The following NT5C3A variants were observed in gnomAD, a reference collection of about 807,000 sequenced individuals.
NT5C3A encodes the protein cytosolic 5'-nucleotidase 3A.
NT5C3A carries 23 observed loss-of-function variants against 40.0 expected under a neutral mutation model. That is an observed-to-expected ratio of 0.58 (90% CI 0.41 to 0.81). NT5C3A has a LOEUF of 0.81. Ranked by LOEUF, NT5C3A falls within the 40% of genes least tolerant of loss-of-function variation. The probability of loss-of-function intolerance (pLI) is 0.00; values close to 1 mark genes in which losing one functional copy is unlikely to be tolerated. For missense variants in NT5C3A, 328 were observed against 403.0 expected (o/e 0.81, Z 1.59); for synonymous variants, 130 against 141.4 (o/e 0.92, Z 0.57).
chr7:33,027,198 T>C (rs1254695977), intron 1 of NT5C3A, among the ~76,000 whole-genome samples: 2 of 152,106 alleles, frequency 1.3e-5, no homozygotes, highest in African/African-American at 4.8e-5. Flanking sequence ...GCCTCCTGAG[T>C]AGGTAGAAGG....
At chr7:33,047,631 T>C (rs924828092) in intron 1 of NT5C3A, among the ~76,000 whole-genome samples, 3 of 152,084 alleles carry the variant, frequency 2.0e-5, no homozygotes, top group Non-Finnish European at 2.9e-5. Flanking sequence ...TTTAAAACAT[T>C]ACAGAATGAC....
At chr7:33,034,652 T>C (rs1786481971) in intron 1 of NT5C3A, among the ~76,000 whole-genome samples, 2 of 152,184 alleles carry the variant, frequency 1.3e-5, no homozygotes, top group Admixed American at 6.5e-5. Flanking sequence ...GAGCAATAAC[T>C]AAACTGACGA....
intron 7 of NT5C3A, 198 bp from the exon 8 acceptor site, chr7:33,016,068 G>A: frequency 5.2e-6 from 3 of 576,196 alleles, no homozygotes; most frequent in Admixed American, 6.0e-5. Context: ...TGATTTTTTA[G>A]ATACTATTTT....
At chr7:33,016,373 C>CAAA (rs551075174) in intron 7 of NT5C3A, among the ~76,000 whole-genome samples, 1 of 109,054 alleles carries the variant, frequency 9.2e-6, no homozygotes, top group Non-Finnish European at 1.9e-5. Context: ...GACTCTGTCT[C>CAAA]AAAAAAAAAA....
chr7:33,017,726 C>T (rs1785415300), intron 6 of NT5C3A, 125 bp from the exon 7 acceptor site: 1 of 793,968 alleles, frequency 1.3e-6, no homozygotes, highest in Admixed American at 1.9e-5. Flanking sequence ...TTTCAATATA[C>T]TGCCCAAGAG....
chr7:33,039,555 G>GTTTTTT (rs776873396), intron 1 of NT5C3A, among the ~76,000 whole-genome samples: 1,806 of 69,942 alleles, frequency 0.026, 210 homozygotes, highest in African/African-American at 0.066. Flanking sequence ...TTAAGCTTGG[G>GTTTTTT]TTTTTTGTTT....
intron 1 of NT5C3A, among the ~76,000 whole-genome samples, chr7:33,061,393 CT>C (rs934911039): frequency 4.0e-5 from 6 of 149,528 alleles, no homozygotes; most frequent in East Asian, 1.9e-4. Context: ...TGGGAATTAA[CT>C]TTTTTTTTTA....
At position 33,014,417 on chromosome 7, in the gene NT5C3A, G is replaced by A. The variant is rs755043201; in HGVS notation, c.*313C>T. On this transcript the variant is annotated 3_prime_UTR_variant, in exon 9 of 9. Transcript: ENST00000610140. ...TAAAATTTCTACAAACTTTCCCAGT[G>A]TAAAAGACTCCTCAAAAGCTGCATG... 4 of 469,932 alleles carry A rather than the reference G, an allele frequency of 8.5e-6. No homozygotes were observed. Among genetic ancestry groups the A allele is most frequent in the South Asian group, 1.6e-5 (1 of 64,190 alleles). 29.1% of individuals were successfully genotyped at this position (469,932 alleles called of 1,614,324 possible).
chr7:33,017,462 T>G lies in NT5C3A; in HGVS notation c.670A>C (p.Asn224His), dbSNP rs2127993476. The change falls in exon 7 of 9, where the codon AAT (asparagine) becomes CAT (histidine). Residue 224 changes from asparagine to histidine, a missense_variant. Asn to His is a moderately conservative substitution (Grantham distance 68). Transcript: ENST00000610140. ...ACAGTTTCATCAAAATCCATAAAAT[T>G]GGACACAACTTTGACATTGGGATGA... ...VYHPNVKVVS[N>H]FMDFDETGVL... 3 of 1,612,524 alleles carry G rather than the reference T, an allele frequency of 1.9e-6. No individual in the cohort carries two copies. Among genetic ancestry groups the G allele is most frequent in the Non-Finnish European group, 2.5e-6 (3 of 1,178,680 alleles).
intron 1 of NT5C3A, among the ~76,000 whole-genome samples, chr7:33,037,765 ATGAG>A (rs1391534209): frequency 6.6e-6 from 1 of 152,192 alleles, no homozygotes; most frequent in Admixed American, 6.5e-5. Context: ...TATCTGCAGT[ATGAG>A]TGTGTGTATA....
chr7:33,060,902 C>T (rs2128022417), intron 1 of NT5C3A, among the ~76,000 whole-genome samples: 1 of 152,288 alleles, frequency 6.6e-6, no homozygotes, highest in East Asian at 1.9e-4. Flanking sequence ...TGAAAAGCTA[C>T]TAGCAGGCTA....
intron 5 of NT5C3A, among the ~76,000 whole-genome samples, chr7:33,020,309 G>A (rs571803250): frequency 2.0e-5 from 3 of 151,718 alleles, no homozygotes; most frequent in South Asian, 4.2e-4. Context: ...AGAAAAAAAA[G>A]CCTAACTCTT....
chr7:33,051,155 TTTA>T (rs1399561172), intron 1 of NT5C3A, among the ~76,000 whole-genome samples: 1 of 152,060 alleles, frequency 6.6e-6, no homozygotes, highest in Admixed American at 6.5e-5. Flanking sequence ...TATTTTTATT[TTTA>T]TTTTTTATTT....
At chr7:33,051,413 C>T (rs528518954) in intron 1 of NT5C3A, among the ~76,000 whole-genome samples, 7 of 152,148 alleles carry the variant, frequency 4.6e-5, no homozygotes, top group Non-Finnish European at 1.0e-4. Context: ...CCGCCCGCCT[C>T]GGCCTCCCAA....
intron 1 of NT5C3A, among the ~76,000 whole-genome samples, chr7:33,031,197 G>A (rs1424085264): frequency 6.6e-6 from 1 of 151,636 alleles, no homozygotes; most frequent in African/African-American, 2.4e-5. Flanking sequence ...TAATATTCCA[G>A]ACTAGGGATA....
intron 6 of NT5C3A, among the ~76,000 whole-genome samples, chr7:33,019,033 C>T (rs1178686628): frequency 1.3e-5 from 2 of 151,854 alleles, no homozygotes; most frequent in Non-Finnish European, 2.9e-5. Flanking sequence ...ACTTTGGGAT[C>T]GCTTGAGCTC....
intron 1 of NT5C3A, among the ~76,000 whole-genome samples, chr7:33,061,761 C>T (rs528281606): frequency 6.6e-6 from 1 of 152,256 alleles, no homozygotes; most frequent in South Asian, 2.1e-4. Flanking sequence ...CAGGATTATG[C>T]ATTTCAGGAA....
chr7:33,057,304 T>C (rs1787609491), intron 1 of NT5C3A, among the ~76,000 whole-genome samples: 1 of 152,114 alleles, frequency 6.6e-6, no homozygotes, highest in African/African-American at 2.4e-5. Flanking sequence ...GGTGGATCTC[T>C]TGAGCCCAGC....
intron 1 of NT5C3A, among the ~76,000 whole-genome samples, chr7:33,041,849 C>T (rs769787985): frequency 6.6e-6 from 1 of 152,002 alleles, no homozygotes; most frequent in Non-Finnish European, 1.5e-5. Context: ...ATGCCATGGG[C>T]TGTGGGAACC....
Sources: allele counts gnomAD v4.1 joint callset (sites outside exome capture counted in the v4.1 genomes callset), GRCh38; gene constraint gnomAD v4.1.1; transcripts MANE v1.5; gene names NCBI Gene and HGNC (gene_info 2026-07-23, HGNC 2026-07-21).